Variants in CDH13 observed in about 807,000 individuals in gnomAD.
The protein encoded by CDH13 is cadherin-13.
A neutral mutation model predicts 63.8 loss-of-function variants in CDH13; 24 were observed. The observed-to-expected ratio is 0.38, with a 90% CI of 0.27 to 0.53. CDH13 has a LOEUF of 0.53. Ranked by LOEUF, CDH13 falls within the 20% of genes least tolerant of loss-of-function variation. The pLI is 0.85. For missense variants in CDH13, 1,049 were observed against 903.1 expected, an observed-to-expected ratio of 1.16 and a Z score of -2.07; for synonymous variants, 503 against 355.3, an observed-to-expected ratio of 1.42 and a Z score of -4.67.
At chr16:82,674,150 A>C (rs948287242) in intron 1 of CDH13, among the ~76,000 whole-genome samples, 1 of 152,152 alleles carries the variant, frequency 6.6e-6, no homozygotes, top group Admixed American at 6.5e-5. Context: ...ATGAGAGAGG[A>C]ATTAGCAGAA....
intron 11 of CDH13, among the ~76,000 whole-genome samples, chr16:83,750,742 C>T (rs1180256788): frequency 6.6e-6 from 1 of 152,126 alleles, no homozygotes; most frequent in Non-Finnish European, 1.5e-5. Flanking sequence ...GGGGGAGAGG[C>T]TGGGAGGAGA....
chr16:83,104,910 T>C (rs941735010), intron 3 of CDH13, among the ~76,000 whole-genome samples: 5 of 152,208 alleles, frequency 3.3e-5, no homozygotes, highest in African/African-American at 1.2e-4. Flanking sequence ...GTGCTTCCTT[T>C]TCGTAAATAC....
chr16:83,626,481 T>G (rs1910317064), intron 8 of CDH13, among the ~76,000 whole-genome samples: 1 of 152,156 alleles, frequency 6.6e-6, no homozygotes, highest in Non-Finnish European at 1.5e-5. Flanking sequence ...GCTGGGGACC[T>G]AAAGATGAGT....
intron 8 of CDH13, among the ~76,000 whole-genome samples, chr16:83,656,542 A>C (rs1415240450): frequency 6.6e-6 from 1 of 152,146 alleles, no homozygotes; most frequent in African/African-American, 2.4e-5. Flanking sequence ...ACTGATGAAG[A>C]GCTGCCATTG....
intron 7 of CDH13, among the ~76,000 whole-genome samples, chr16:83,520,574 C>G (rs1226417253): frequency 6.6e-6 from 1 of 152,148 alleles, no homozygotes; most frequent in African/African-American, 2.4e-5. Context: ...TTGCATGGAT[C>G]CACTCTATGG....
intron 6 of CDH13, among the ~76,000 whole-genome samples, chr16:83,471,603 G>T (rs977644999): frequency 6.6e-6 from 1 of 152,142 alleles, no homozygotes; most frequent in African/African-American, 2.4e-5. Flanking sequence ...GCCTGCCTTT[G>T]TAACTGTGAA....
intron 2 of CDH13, among the ~76,000 whole-genome samples, chr16:82,992,312 G>T (rs1181558029): frequency 6.6e-6 from 1 of 152,106 alleles, no homozygotes; most frequent in African/African-American, 2.4e-5. Flanking sequence ...GAATCACCAA[G>T]GATGTTTGTA....
intron 8 of CDH13, among the ~76,000 whole-genome samples, chr16:83,651,692 T>C (rs1175679144): frequency 4.8e-5 from 7 of 147,188 alleles, no homozygotes; most frequent in Non-Finnish European, 8.9e-5. Flanking sequence ...GCCTCCCAGG[T>C]TCAAGAAATT....
chr16:82,750,821 C>G (rs1197880081), intron 1 of CDH13, among the ~76,000 whole-genome samples: 5 of 152,042 alleles, frequency 3.3e-5, no homozygotes, highest in African/African-American at 1.2e-4. Context: ...ACTCTGATTT[C>G]CAATTTTCTG....
In CDH13 at chr16:83,440,040, A is replaced by G. The variant is rs150759654; in HGVS notation, c.782-46437A>G. ...CCACGGTGTCTGTGCAGGCCAGGGT[A>G]GGGAGGCTGGCTTTCATTTTAAATG... is the stretch of plus-strand genomic sequence containing the variant. On this transcript the variant is annotated intron_variant, in intron 6 of 13. Transcript: ENST00000567109. Among the ~76,000 whole-genome samples, 512 of 152,320 alleles carry G rather than the reference A, an allele frequency of 3.4e-3. 1 individual carries two copies. The highest frequency in any genetic ancestry group is 9.1e-3 in the African/African-American group (378 of 41,574).
chr16:82,814,602 T>TA (rs1296386505), intron 1 of CDH13, among the ~76,000 whole-genome samples: 1 of 152,194 alleles, frequency 6.6e-6, no homozygotes, highest in Admixed American at 6.5e-5. Flanking sequence ...CCTTTCCACA[T>TA]ACCTTTCCCT....
chr16:82,853,996 T>G (rs908940802), intron 1 of CDH13, among the ~76,000 whole-genome samples: 7 of 152,186 alleles, frequency 4.6e-5, no homozygotes, highest in African/African-American at 1.4e-4. Flanking sequence ...CAATGAGGGG[T>G]GCTGCTTTAC....
chr16:82,696,294 ACT>A (rs1337494142), intron 1 of CDH13, among the ~76,000 whole-genome samples: 1 of 152,160 alleles, frequency 6.6e-6, no homozygotes, highest in Non-Finnish European at 1.5e-5. Flanking sequence ...AGTGTCACTC[ACT>A]CTATATATTT....
chr16:82,918,562 G>T (rs1272476351), intron 2 of CDH13, among the ~76,000 whole-genome samples: 2 of 146,322 alleles, frequency 1.4e-5, no homozygotes, highest in Non-Finnish European at 3.0e-5. Context: ...AGGCTGGAGT[G>T]CAATGGCACT....
chr16:83,062,254 G>C (rs1020847455), intron 3 of CDH13, among the ~76,000 whole-genome samples: 2 of 152,268 alleles, frequency 1.3e-5, no homozygotes, highest in East Asian at 3.9e-4. Context: ...CCCCCTGTCA[G>C]TTTTCTATCA....
chr16:83,175,398 A>G (rs2038083402), intron 4 of CDH13, among the ~76,000 whole-genome samples: 1 of 152,148 alleles, frequency 6.6e-6, no homozygotes, highest in African/African-American at 2.4e-5. Context: ...AGAACCATGC[A>G]GACACTATTA....
At chr16:83,202,137 G>A (rs1382985443) in intron 4 of CDH13, among the ~76,000 whole-genome samples, 1 of 152,070 alleles carries the variant, frequency 6.6e-6, no homozygotes, top group Non-Finnish European at 1.5e-5. Context: ...AGACTTCAAA[G>A]GTCCTCAGTC....
At chr16:83,080,301 C>G (rs2033144656) in intron 3 of CDH13, among the ~76,000 whole-genome samples, 1 of 152,146 alleles carries the variant, frequency 6.6e-6, no homozygotes, top group African/African-American at 2.4e-5. Context: ...ACTAGGAATT[C>G]AAACCCAGGA....
chr16:83,188,054 T>G (rs992907438), intron 4 of CDH13, among the ~76,000 whole-genome samples: 1 of 152,106 alleles, frequency 6.6e-6, no homozygotes, highest in Non-Finnish European at 1.5e-5. Context: ...AGCAAGGGAA[T>G]GTTAGATAGG....
Sources: gnomAD v4.1 joint callset for allele counts (sites outside exome capture counted in the v4.1 genomes callset) on GRCh38, gnomAD v4.1.1 for gene constraint, MANE v1.5 for transcripts, NCBI Gene and HGNC (gene_info 2026-07-23, HGNC 2026-07-21) for gene names.